KCNMB2: variants seen among roughly 807,000 people sequenced by gnomAD.
KCNMB2 encodes the protein potassium calcium-activated channel subfamily M regulatory beta subunit 2.
KCNMB2 carries 9 observed loss-of-function variants against 24.5 expected under a neutral mutation model. That is an observed-to-expected ratio of 0.37 (90% confidence interval 0.22 to 0.64). KCNMB2 has a LOEUF of 0.64. KCNMB2 is among the 30% of genes least tolerant of loss of function. The pLI is 0.63. For missense variants in KCNMB2, 226 were observed against 284.3 expected (o/e 0.79, Z 1.47); for synonymous variants, 109 against 104.4 (o/e 1.04, Z -0.27).
intron 1 of KCNMB2, among the ~76,000 whole-genome samples, chr3:178,701,104 C>T (rs6443564): frequency 0.71 from 108,415 of 152,122 alleles, 39,108 homozygotes; most frequent in African/African-American, 0.85. Flanking sequence ...AACATTTAAG[C>T]CTTTAATCCA....
chr3:178,542,483 A>C (rs1404788307), intron 1 of KCNMB2, among the ~76,000 whole-genome samples: 4 of 152,232 alleles, frequency 2.6e-5, no homozygotes, highest in Non-Finnish European at 5.9e-5. Flanking sequence ...CAGATAAGAA[A>C]ACTCAAAAGT....
In KCNMB2 at chr3:178,772,941, G is replaced by A. The variant is rs78214809; in HGVS notation, c.-67-34402G>A. Among the ~76,000 whole-genome samples the A allele has an allele frequency of 3.0e-3, 459 of 152,204 alleles. 5 individuals carry two copies. The East Asian group carries it at 0.033, about 11-fold the overall frequency. On this transcript the variant is annotated intron_variant, in intron 1 of 4. Coordinates refer to ENST00000452583, the MANE Select transcript of KCNMB2 (RefSeq NM_181361.3). ...GTTTCTTTGGAACTCAAAGCTAGCG[G>A]TATTCACCCCATTTGCCTCTGTCTC...
At chr3:178,663,107 T>C (rs1481081972) in intron 1 of KCNMB2, among the ~76,000 whole-genome samples, 2 of 152,152 alleles carry the variant, frequency 1.3e-5, no homozygotes, top group Non-Finnish European at 2.9e-5. Context: ...CTCTCTCCGT[T>C]GGTCCCTCAT....
At chr3:178,802,205 A>T (rs542285549) in intron 1 of KCNMB2, among the ~76,000 whole-genome samples, 12 of 152,326 alleles carry the variant, frequency 7.9e-5, no homozygotes, top group African/African-American at 2.9e-4. Context: ...AAACATAAGA[A>T]GCAACCCTAA....
intron 1 of KCNMB2, among the ~76,000 whole-genome samples, chr3:178,701,817 G>A (rs1409424591): frequency 6.6e-6 from 1 of 152,170 alleles, no homozygotes; most frequent in African/African-American, 2.4e-5. Flanking sequence ...TACACTGTTG[G>A]TGGGACTGTA....
At chr3:178,628,526 C>T (rs946870722) in intron 1 of KCNMB2, among the ~76,000 whole-genome samples, 1 of 152,086 alleles carries the variant, frequency 6.6e-6, no homozygotes, top group African/African-American at 2.4e-5. Flanking sequence ...TGTGATCTAG[C>T]AATATTTTCA....
intron 1 of KCNMB2, among the ~76,000 whole-genome samples, chr3:178,725,717 G>T (rs1277403013): frequency 6.6e-6 from 1 of 151,962 alleles, no homozygotes; most frequent in African/African-American, 2.4e-5. Flanking sequence ...TTCATGTGCT[G>T]TTATTCGATG....
At chr3:178,700,953 T>C (rs970268970) in intron 1 of KCNMB2, among the ~76,000 whole-genome samples, 2 of 152,222 alleles carry the variant, frequency 1.3e-5, no homozygotes, top group Admixed American at 1.3e-4. Context: ...AGAAGCTCTT[T>C]AGTTTAATTA....
intron 1 of KCNMB2, among the ~76,000 whole-genome samples, chr3:178,713,075 T>C (rs1316793956): frequency 2.0e-5 from 3 of 152,204 alleles, no homozygotes; most frequent in South Asian, 2.1e-4. Flanking sequence ...CCTGTTCAAA[T>C]ATGAAATGGA....
intron 1 of KCNMB2, among the ~76,000 whole-genome samples, chr3:178,802,265 T>C (rs753710109): frequency 1.3e-5 from 2 of 152,200 alleles, no homozygotes; most frequent in Non-Finnish European, 2.9e-5. Flanking sequence ...ATGTCATTAG[T>C]GTTACAGTTT....
chr3:178,785,732 T>C (rs947661337), intron 1 of KCNMB2, among the ~76,000 whole-genome samples: 8 of 152,246 alleles, frequency 5.3e-5, no homozygotes, highest in Admixed American at 3.3e-4. Context: ...CTAAGTTTTA[T>C]AGAATTTTCT....
chr3:178,776,518 T>G (rs1178511847), intron 1 of KCNMB2, among the ~76,000 whole-genome samples: 1 of 152,182 alleles, frequency 6.6e-6, no homozygotes, highest in African/African-American at 2.4e-5. Flanking sequence ...CTCCCTTGCT[T>G]AAAAGCATGT....
At position 178,690,790 on chromosome 3, in the gene KCNMB2, G is replaced by A. The variant is rs150651138; in HGVS notation, c.-67-116553G>A. On this transcript the variant is annotated intron_variant, in intron 1 of 4. Coordinates refer to ENST00000452583, the MANE Select transcript of KCNMB2 (RefSeq NM_181361.3). The stretch of plus-strand genomic sequence containing the variant: ...ATGGAAGATTGAATCATGACATGGT[G>A]TACTAAAGGTTGGAATGAAACTCAG... 7.0e-3 allele frequency among the ~76,000 whole-genome samples: 1,060 copies of A among 152,278 alleles called. 10 individuals are homozygous for A. The highest frequency in any genetic ancestry group is 0.012 in the Admixed American group (177 of 15,286).
At chr3:178,772,756 CTTGT>C (rs1046854167) in intron 1 of KCNMB2, among the ~76,000 whole-genome samples, 1 of 152,186 alleles carries the variant, frequency 6.6e-6, no homozygotes, top group African/African-American at 2.4e-5. Context: ...TTAAAAATGA[CTTGT>C]TTGGCACAAG....
rs879176068 is a variant in KCNMB2, at chr3:178,793,516, G to GGGT, written c.-67-13825_-67-13824insTGG. Among the ~76,000 whole-genome samples the GGGT allele has an allele frequency of 1.1e-4, 17 of 151,934 alleles. No homozygotes were observed. In the South Asian group the frequency reaches 3.2e-3, roughly 28 times the overall value. ...CAAGCGGAAGCTGCTCTTCACCCTG[G>GGGT]GGGGGTGGGCAATGGACAGCAGAAG... On this transcript the variant is annotated intron_variant, in intron 1 of 4. Transcript: ENST00000452583.
chr3:178,713,897 A>C (rs1433368373), intron 1 of KCNMB2, among the ~76,000 whole-genome samples: 1 of 152,198 alleles, frequency 6.6e-6, no homozygotes, highest in Non-Finnish European at 1.5e-5. Flanking sequence ...GGAATGCATG[A>C]ATCCCTCATC....
chr3:178,610,599 T>G (rs1718447050), intron 1 of KCNMB2, among the ~76,000 whole-genome samples: 1 of 152,256 alleles, frequency 6.6e-6, no homozygotes, highest in African/African-American at 2.4e-5. Flanking sequence ...GTATGTTGAC[T>G]CTGTATCCTG....
intron 1 of KCNMB2, among the ~76,000 whole-genome samples, chr3:178,784,845 G>T (rs1577186183): frequency 7.3e-6 from 1 of 136,788 alleles, no homozygotes; most frequent in East Asian, 2.1e-4. Context: ...GGATCCATTT[G>T]CTTCTAAGTG....
intron 1 of KCNMB2, among the ~76,000 whole-genome samples, chr3:178,700,269 C>T (rs1397933032): frequency 6.6e-6 from 1 of 152,230 alleles, no homozygotes; most frequent in Non-Finnish European, 1.5e-5. Context: ...CTTCTCACAA[C>T]CAATTCAGTA....
Sources: allele counts gnomAD v4.1 joint callset (sites outside exome capture counted in the v4.1 genomes callset), GRCh38; gene constraint gnomAD v4.1.1; transcripts MANE v1.5; gene names NCBI Gene and HGNC (gene_info 2026-07-23, HGNC 2026-07-21).